LRRTM4: variants seen among roughly 807,000 people sequenced by gnomAD.
The protein encoded by LRRTM4 is leucine-rich repeat transmembrane neuronal protein 4.
In LRRTM4, 25 loss-of-function variants were observed where a neutral mutation model predicts 47.6. The observed-to-expected ratio is 0.53, with a 90% CI of 0.38 to 0.73. The LOEUF (loss-of-function observed/expected upper bound fraction) is 0.73, where lower values mean the gene tolerates loss of function less well. Ranked by LOEUF, LRRTM4 falls within the 30% of genes least tolerant of loss-of-function variation. The pLI, the probability that LRRTM4 is intolerant of heterozygous loss-of-function variation, is 0.00. For synonymous variants in LRRTM4, 311 were observed against 269.5 expected (o/e 1.15, Z -1.51); for missense variants, 638 against 713.4 (o/e 0.89, Z 1.20).
At chr2:76,902,150 A>T (rs1055878952) in intron 3 of LRRTM4, among the ~76,000 whole-genome samples, 2 of 152,122 alleles carry the variant, frequency 1.3e-5, no homozygotes, top group African/African-American at 2.4e-5. Context: ...CCACTTAACT[A>T]TATCTATTTA....
chr2:77,078,074 T>C (rs1335240076), intron 3 of LRRTM4, among the ~76,000 whole-genome samples: 4 of 152,310 alleles, frequency 2.6e-5, no homozygotes, highest in African/African-American at 9.6e-5. Context: ...ATCTACTCTT[T>C]CTACTGTCTA....
intron 3 of LRRTM4, among the ~76,000 whole-genome samples, chr2:76,829,327 G>A (rs1412777030): frequency 6.6e-6 from 1 of 151,948 alleles, no homozygotes; most frequent in East Asian, 1.9e-4. Context: ...GAAAAAAAGG[G>A]GAGGAGATGC....
At chr2:77,274,247 C>G (rs59255193) in intron 3 of LRRTM4, among the ~76,000 whole-genome samples, 1 of 151,802 alleles carries the variant, frequency 6.6e-6, no homozygotes, top group Non-Finnish European at 1.5e-5. Context: ...TAATTTATCA[C>G]GAAAAGGTTA....
At chr2:77,313,351 G>GT (rs1677518584) in intron 3 of LRRTM4, among the ~76,000 whole-genome samples, 1 of 151,018 alleles carries the variant, frequency 6.6e-6, no homozygotes, top group South Asian at 2.1e-4. Flanking sequence ...ACCTGGTGCT[G>GT]GGATGTGCCT....
intron 3 of LRRTM4, among the ~76,000 whole-genome samples, chr2:77,515,699 A>G (rs1293730604): frequency 2.0e-5 from 3 of 151,874 alleles, no homozygotes; most frequent in African/African-American, 7.2e-5. Context: ...AACAATGCCA[A>G]GCTAAAACTC....
chr2:76,858,559 T>C (rs1303862399), intron 3 of LRRTM4, among the ~76,000 whole-genome samples: 1 of 152,168 alleles, frequency 6.6e-6, no homozygotes, highest in Non-Finnish European at 1.5e-5. Flanking sequence ...GTCTATCCAA[T>C]TTTGAAGGGT....
chr2:76,872,588 T>C (rs2104060439), intron 3 of LRRTM4, among the ~76,000 whole-genome samples: 1 of 152,130 alleles, frequency 6.6e-6, no homozygotes, highest in East Asian at 1.9e-4. Flanking sequence ...TTATTAATAC[T>C]GCTGGTGGGG....
intron 3 of LRRTM4, among the ~76,000 whole-genome samples, chr2:77,404,836 G>A (rs1674117833): frequency 6.6e-6 from 1 of 151,896 alleles, no homozygotes; most frequent in Non-Finnish European, 1.5e-5. Flanking sequence ...ATGGCCACAG[G>A]GAACTTCTAA....
chr2:77,025,729 G>T (rs529979482), intron 3 of LRRTM4, among the ~76,000 whole-genome samples: 1 of 152,142 alleles, frequency 6.6e-6, no homozygotes, highest in African/African-American at 2.4e-5. Context: ...TGTTGGCTTA[G>T]AGAGAAGCAC....
intron 3 of LRRTM4, among the ~76,000 whole-genome samples, chr2:76,979,507 G>A (rs1354332666): frequency 1.6e-5 from 2 of 126,350 alleles, no homozygotes; most frequent in African/African-American, 7.1e-5. Flanking sequence ...CACAGACAAT[G>A]CATATCTAAT....
rs1421861969 is a variant in LRRTM4 at position 77,009,718 on chromosome 2, A to T, written c.1552-260802T>A. On this transcript the variant is annotated intron_variant, in intron 3 of 3. Transcript: ENST00000409884. ...TAACAGCAGTCACCTTCACCTCCATAATTTCCCTTTTGTTGCTTCAAATTA... is the reference window on the plus strand; with the variant it reads ...TAACAGCAGTCACCTTCACCTCCATTATTTCCCTTTTGTTGCTTCAAATTA... 26 of 152,022 alleles carry T rather than the reference A, an allele frequency of 1.7e-4. 1 individual carries two copies. The highest frequency in any genetic ancestry group is 2.9e-5 in the Non-Finnish European group (2 of 67,976). 9.4% of individuals were successfully genotyped at this position (152,022 alleles called of 1,614,324 possible).
chr2:77,263,961 A>C (rs889062547), intron 3 of LRRTM4, among the ~76,000 whole-genome samples: 1 of 152,104 alleles, frequency 6.6e-6, no homozygotes. Context: ...CAGGTATTAA[A>C]GGATCTAACG....
At chr2:77,279,542 C>T (rs944786220) in intron 3 of LRRTM4, among the ~76,000 whole-genome samples, 1 of 151,814 alleles carries the variant, frequency 6.6e-6, no homozygotes, top group Admixed American at 6.6e-5. Context: ...GGATAACATG[C>T]TTTCTTATTC....
At chr2:76,982,761 G>A (rs919283608) in intron 3 of LRRTM4, among the ~76,000 whole-genome samples, 16 of 152,092 alleles carry the variant, frequency 1.1e-4, no homozygotes, top group Non-Finnish European at 1.5e-4. Flanking sequence ...AATAAAAGCC[G>A]ATGTTAAAAT....
At chr2:76,814,068 G>A (rs1449402813) in intron 3 of LRRTM4, among the ~76,000 whole-genome samples, 1 of 151,940 alleles carries the variant, frequency 6.6e-6, no homozygotes, top group East Asian at 1.9e-4. Flanking sequence ...AACGTTTTGA[G>A]GAGTCCTGGT....
At chr2:76,778,554 G>T (rs1442944839) in intron 3 of LRRTM4, among the ~76,000 whole-genome samples, 1 of 151,816 alleles carries the variant, frequency 6.6e-6, no homozygotes, top group Admixed American at 6.5e-5. Flanking sequence ...GCGTAGAGGT[G>T]TTTGTAGTAT....
At chr2:77,277,079 T>C (rs1676381090) in intron 3 of LRRTM4, among the ~76,000 whole-genome samples, 2 of 151,886 alleles carry the variant, frequency 1.3e-5, no homozygotes, top group African/African-American at 2.4e-5. Flanking sequence ...CTACACAGTA[T>C]ATGTCAGGGC....
chr2:76,803,306 C>A (rs1347017755), intron 3 of LRRTM4, among the ~76,000 whole-genome samples: 1 of 151,994 alleles, frequency 6.6e-6, no homozygotes, highest in Non-Finnish European at 1.5e-5. Flanking sequence ...AGACATTTCT[C>A]AAAATAAGAC....
chr2:77,050,031 T>C (rs1679375818), intron 3 of LRRTM4, among the ~76,000 whole-genome samples: 1 of 152,002 alleles, frequency 6.6e-6, no homozygotes, highest in Admixed American at 6.6e-5. Flanking sequence ...ATCTCCATAA[T>C]ATATTCTAAT....
Sources: allele counts gnomAD v4.1 joint callset (sites outside exome capture counted in the v4.1 genomes callset), GRCh38; gene constraint gnomAD v4.1.1; transcripts MANE v1.5; gene names NCBI Gene and HGNC (gene_info 2026-07-23, HGNC 2026-07-21).